Variants in CRYBG3 observed in about 807,000 individuals in gnomAD.
CRYBG3 encodes the protein very large A-kinase anchor protein.
A neutral mutation model predicts 244.2 loss-of-function variants in CRYBG3; 127 were observed. The ratio of observed to expected loss-of-function variants is 0.52; its 90% CI spans 0.45 to 0.60. The LOEUF is 0.60. Ranked by LOEUF, CRYBG3 falls within the 20% of genes least tolerant of loss-of-function variation. The pLI, the probability that CRYBG3 is intolerant of heterozygous loss-of-function variation, is 0.00. For synonymous variants in CRYBG3, 1,132 were observed against 1,195.8 expected (o/e 0.95, Z 1.10); for missense variants, 3,325 against 3,442.5 (o/e 0.97, Z 0.85).
At chr3:97,848,918 T>C (rs1576518919) in intron 2 of CRYBG3, among the ~76,000 whole-genome samples, 1 of 152,262 alleles carries the variant, frequency 6.6e-6, no homozygotes, top group Non-Finnish European at 1.5e-5. Context: ...ATGATTTGCC[T>C]GGAGCTTCAC....
chr3:97,879,870 A>G, intron 5 of CRYBG3, 115 bp from the exon 6 acceptor site: 1 of 909,872 alleles, frequency 1.1e-6, no homozygotes, highest in Non-Finnish European at 1.7e-6. Context: ...CTAAAGTAAC[A>G]TTTGCTTTTG....
intron 16 of CRYBG3, among the ~76,000 whole-genome samples, chr3:97,913,610 G>C (rs1230518455): frequency 6.6e-6 from 1 of 152,126 alleles, no homozygotes; most frequent in East Asian, 1.9e-4. Context: ...GTGAAAACCA[G>C]TCTTAGCTTA....
chr3:97,824,185 A>G (rs2038548469), intron 1 of CRYBG3, among the ~76,000 whole-genome samples: 1 of 152,232 alleles, frequency 6.6e-6, no homozygotes, highest in East Asian at 1.9e-4. Flanking sequence ...GTTTAATAAA[A>G]CAAATGGAAC....
At chr3:97,844,695 C>T (rs2038872961) in intron 2 of CRYBG3, among the ~76,000 whole-genome samples, 2 of 152,150 alleles carry the variant, frequency 1.3e-5, no homozygotes, top group Non-Finnish European at 2.9e-5. Flanking sequence ...CCTCTTATTT[C>T]CAGTAGTGCT....
chr3:97,899,049 T>C lies in CRYBG3; in HGVS notation c.7844+24T>C, dbSNP rs1259396103. ...GTGTAAGTTGCCTCCTCTAAGAACC[T>C]TGAGAGTCTTTGGTGTTTAAGATTG... On this transcript the variant is annotated intron_variant, in intron 13 of 21. Transcript: ENST00000389622. The C allele has an allele frequency of 3.1e-6, 5 of 1,603,918 alleles. No individual in the cohort carries two copies. In the African/African-American group the frequency reaches 5.4e-5, roughly 17 times the overall value.
rs911989343 is a variant in CRYBG3, at chr3:97,943,378, C to T, written c.*64C>T. 17 of 933,476 alleles carry T rather than the reference C, an allele frequency of 1.8e-5. No individual in the cohort carries two copies. The highest frequency in any genetic ancestry group is 2.7e-5 in the Non-Finnish European group (16 of 585,490). 57.8% of individuals were successfully genotyped at this position (933,476 alleles called of 1,614,324 possible). ...AAGAAGGAAACACATCTGTCATTGT[C>T]TTGTGGACGTGGAAAGGAAGCTACT... is the stretch of plus-strand genomic sequence containing the variant. On this transcript the variant is annotated 3_prime_UTR_variant, in exon 22 of 22. Coordinates refer to ENST00000389622, the MANE Select transcript of CRYBG3 (RefSeq NM_153605.4).
At position 97,941,130 on chromosome 3, in the gene CRYBG3, C is replaced by G; in HGVS notation, c.8506-18C>G. On this transcript the variant is annotated intron_variant, in intron 19 of 21. Coordinates refer to ENST00000389622, the MANE Select transcript of CRYBG3 (RefSeq NM_153605.4). ...GATTCAAAAGTTTATTTCTAAATGG[C>G]TGTTTCTCCTGTCATAGCCTGCAGT... The G allele has an allele frequency of 6.3e-7, 1 of 1,578,784 alleles. No individual in the cohort carries two copies. The highest frequency in any genetic ancestry group is 8.6e-7 in the Non-Finnish European group (1 of 1,162,478).
At position 97,929,150 on chromosome 3, in the gene CRYBG3, C is replaced by T. The variant is rs144170710; in HGVS notation, c.8242-4544C>T. Among the ~76,000 whole-genome samples the T allele has an allele frequency of 4.3e-3, 657 of 151,992 alleles. 9 individuals carry two copies. The highest frequency in any genetic ancestry group is 0.015 in the African/African-American group (630 of 41,478). ...CTCTTTGCATGATTTAGACTTAATC[C>T]GGCAGGAATGTCCTGTTAACTGCTG... On this transcript the variant is annotated intron_variant, in intron 17 of 21. Coordinates refer to ENST00000389622, the MANE Select transcript of CRYBG3 (RefSeq NM_153605.4).
Position 97,843,177 on chromosome 3 carries a change from G to A in CRYBG3, c.150-18G>A. 2 of 1,468,008 alleles carry A rather than the reference G, an allele frequency of 1.4e-6. No homozygotes were observed. Among genetic ancestry groups the A allele is most frequent in the South Asian group, 1.3e-5 (1 of 75,782 alleles). 90.9% of individuals were successfully genotyped at this position (1,468,008 alleles called of 1,614,324 possible). On this transcript the variant is annotated intron_variant, in intron 1 of 21. Transcript: ENST00000389622. ...TTTTCTTTTAATTTCAAAAGAAACT[G>A]TGGTTTTTATTTTTCAGTGTTGAAA...
At chr3:97,831,667 A>G (rs1244039531) in intron 1 of CRYBG3, among the ~76,000 whole-genome samples, 4 of 152,148 alleles carry the variant, frequency 2.6e-5, no homozygotes, top group Non-Finnish European at 5.9e-5. Context: ...GGTTTTTAGT[A>G]TATCACTTCA....
At position 97,843,115 on chromosome 3, in the gene CRYBG3, G is replaced by A. The variant is rs1478627225; in HGVS notation, c.150-80G>A. On this transcript the variant is annotated intron_variant, in intron 1 of 21. Coordinates refer to ENST00000389622, the MANE Select transcript of CRYBG3 (RefSeq NM_153605.4). ...AGCATTGCAGATAAAGGACCTTTCA[G>A]TTTGAGTTTAAATACAGAAAACTTT... 3.7e-6 allele frequency: 3 copies of A among 817,212 alleles called. No homozygotes were observed. The East Asian group carries it at 8.0e-5, about 22-fold the overall frequency. The allele number at this position is 817,212 out of a possible 1,614,324, so 50.6% of individuals were successfully genotyped here.
chr3:97,934,799 A>G (rs1362160167), intron 18 of CRYBG3, among the ~76,000 whole-genome samples: 1 of 152,080 alleles, frequency 6.6e-6, no homozygotes, highest in Admixed American at 6.5e-5. Context: ...CCAATATATT[A>G]TTTACCAATT....
At chr3:97,897,251 C>T (rs917133478) in intron 12 of CRYBG3, among the ~76,000 whole-genome samples, 19 of 152,010 alleles carry the variant, frequency 1.2e-4, no homozygotes, top group African/African-American at 4.1e-4. Flanking sequence ...TGTCTCATAT[C>T]ACATTGCCCT....
intron 17 of CRYBG3, among the ~76,000 whole-genome samples, chr3:97,921,075 T>C (rs2039979373): frequency 6.6e-6 from 1 of 151,780 alleles, no homozygotes; most frequent in South Asian, 2.1e-4. Flanking sequence ...GTATCCTGTT[T>C]ACAAGCTTTC....
chr3:97,898,160 C>T (rs545845977), intron 12 of CRYBG3, among the ~76,000 whole-genome samples: 1 of 150,206 alleles, frequency 6.7e-6, no homozygotes, highest in South Asian at 2.1e-4. Flanking sequence ...GCAGAGGTTG[C>T]AGTGAGCTGA....
intron 1 of CRYBG3, among the ~76,000 whole-genome samples, chr3:97,824,810 T>C (rs974704583): frequency 2.3e-4 from 35 of 152,174 alleles, no homozygotes; most frequent in African/African-American, 8.4e-4. Flanking sequence ...AAAACTGCAA[T>C]TGAAGTTTTC....
Position 97,944,685 on chromosome 3 carries a change from T to C in CRYBG3, c.*1371T>C, listed in dbSNP as rs1394773270. On this transcript the variant is annotated 3_prime_UTR_variant, in exon 22 of 22. Coordinates refer to ENST00000389622, the MANE Select transcript of CRYBG3 (RefSeq NM_153605.4). ...ATAGGTGTTGCGTGCCTCTCATCTG[T>C]GGGGAAGTATTATTTAATAAAATTT... is the stretch of plus-strand genomic sequence containing the variant. 1 of 152,424 alleles carries C rather than the reference T, an allele frequency of 6.6e-6. No homozygotes were observed. The allele number at this position is 152,424 out of a possible 1,614,324, so 9.4% of individuals were successfully genotyped here. A position where few individuals can be genotyped will look rare whatever the true frequency, so the allele number is the denominator to read the frequency against.
intron 7 of CRYBG3, among the ~76,000 whole-genome samples, chr3:97,886,056 T>C (rs536666575): frequency 6.6e-6 from 1 of 152,302 alleles, no homozygotes; most frequent in South Asian, 2.1e-4. Context: ...AGGGTCAATT[T>C]CATAATGCTT....
intron 4 of CRYBG3, among the ~76,000 whole-genome samples, chr3:97,879,431 G>A (rs1347773964): frequency 1.3e-5 from 2 of 152,228 alleles, no homozygotes; most frequent in African/African-American, 2.4e-5. Flanking sequence ...TATTTTACCT[G>A]TGAATGTAAC....
Sources: allele counts gnomAD v4.1 joint callset (sites outside exome capture counted in the v4.1 genomes callset), GRCh38; gene constraint gnomAD v4.1.1; transcripts MANE v1.5; gene names NCBI Gene and HGNC (gene_info 2026-07-23, HGNC 2026-07-21).